IARS2: variants seen among roughly 807,000 people sequenced by gnomAD.
The protein encoded by IARS2 is isoleucyl-tRNA synthetase 2, mitochondrial.
In IARS2, 56 loss-of-function variants were observed where a neutral mutation model predicts 126.3. The ratio of observed to expected loss-of-function variants is 0.44; its 90% CI spans 0.36 to 0.55. IARS2 has a LOEUF of 0.55. Among genes scored for constraint, IARS2 ranks in the 20% least tolerant of loss-of-function variants. The pLI, the probability that IARS2 is intolerant of heterozygous loss-of-function variation, is 0.00. For missense variants in IARS2, 1,127 were observed against 1,245.9 expected (o/e 0.90, Z 1.44); for synonymous variants, 407 against 441.1 (o/e 0.92, Z 0.97).
chr1:220,134,304 C>A, intron 14 of IARS2, 98 bp from the exon 15 acceptor site: 1 of 810,506 alleles, frequency 1.2e-6, no homozygotes, highest in Non-Finnish European at 1.9e-6. Flanking sequence ...AGTTACTTCC[C>A]TTCCTCCCCA....
Position 220,103,700 on chromosome 1 carries a change from C to T in IARS2, c.1066+138C>T. ...TCTAGAATACATTTTACATTGATTA[C>T]ACTAAAGGAGAATATACATTAAGCA... On this transcript the variant is annotated intron_variant, in intron 8 of 22. Transcript: ENST00000366922. The T allele has an allele frequency of 5.4e-6, 3 of 557,998 alleles. 1 individual carries two copies. Among genetic ancestry groups the T allele is most frequent in the Non-Finnish European group, 9.7e-6 (3 of 308,966 alleles). 34.6% of individuals were successfully genotyped at this position (557,998 alleles called of 1,614,324 possible). A position where few individuals can be genotyped will look rare whatever the true frequency, so the allele number is the denominator to read the frequency against.
In IARS2 at chr1:220,111,104, A is replaced by G. The variant is rs560480157; in HGVS notation, c.1479+167A>G. Among the ~76,000 whole-genome samples, 7 of 152,226 alleles carry G rather than the reference A, an allele frequency of 4.6e-5. No individual in the cohort carries two copies. The South Asian group carries it at 1.0e-3, about 23-fold the overall frequency. On this transcript the variant is annotated intron_variant, in intron 11 of 22. Coordinates refer to ENST00000366922, the MANE Select transcript of IARS2 (RefSeq NM_018060.4). The stretch of plus-strand genomic sequence containing the variant: ...AGATCTGGAAGGACCTTGGACTTCC[A>G]TTTTTTCATTATACATGTGTGAGAA...
At position 220,102,196 on chromosome 1, in the gene IARS2, A is replaced by T; in HGVS notation, c.618A>T (p.Ala206=). Residue 206 remains alanine (A), a synonymous_variant, in exon 4 of 23, where the codon GCA becomes GCT. Coordinates refer to ENST00000366922, the MANE Select transcript of IARS2 (RefSeq NM_018060.4). ...KSAFIRWGIM[A]DWNNCYYTFD... ...CATTTATTCGTTGGGGAATAATGGC[A>T]GATTGGAATAATTGCTACTATACAT... is the stretch of plus-strand genomic sequence containing the variant. 2 of 1,612,102 alleles carry T rather than the reference A, an allele frequency of 1.2e-6. No individual in the cohort carries two copies. Among genetic ancestry groups the T allele is most frequent in the Non-Finnish European group, 1.7e-6 (2 of 1,179,182 alleles).
chr1:220,122,811 A>G (rs1391051925), intron 12 of IARS2, among the ~76,000 whole-genome samples: 2 of 152,190 alleles, frequency 1.3e-5, no homozygotes, highest in East Asian at 1.9e-4. Context: ...CTAAATTAAT[A>G]TGAAATTTGA....
rs991703568 is a variant in IARS2, at chr1:220,140,434, C to A, written c.2414+145C>A. Reference sequence around the variant, plus strand: ...CAGTATGGCAAAATACAAAAATTAGCCGGGCATGGTGGCACATGCCTGTAA... The same window carrying A: ...CAGTATGGCAAAATACAAAAATTAGACGGGCATGGTGGCACATGCCTGTAA... On this transcript the variant is annotated intron_variant, in intron 19 of 22. Transcript: ENST00000366922. 5 of 581,620 alleles carry A rather than the reference C, an allele frequency of 8.6e-6. No individual in the cohort carries two copies. In the Admixed American group the frequency reaches 1.2e-4, roughly 15 times the overall value. 36.0% of individuals were successfully genotyped at this position (581,620 alleles called of 1,614,324 possible).
At chr1:220,134,061 A>G (rs899834698) in intron 14 of IARS2, among the ~76,000 whole-genome samples, 1 of 152,058 alleles carries the variant, frequency 6.6e-6, no homozygotes, top group Non-Finnish European at 1.5e-5. Context: ...CTTGACATTC[A>G]TGCAGTACAG....
intron 3 of IARS2, among the ~76,000 whole-genome samples, chr1:220,101,420 G>A (rs1385587753): frequency 1.3e-5 from 2 of 152,166 alleles, no homozygotes; most frequent in Admixed American, 6.5e-5. Flanking sequence ...TATAGGCTGG[G>A]CACAGTGGCT....
chr1:220,142,642 A>G (rs1031366310), intron 20 of IARS2, among the ~76,000 whole-genome samples: 7 of 152,174 alleles, frequency 4.6e-5, no homozygotes, highest in African/African-American at 1.7e-4. Context: ...GGGGGAAGTC[A>G]CTTATAATGT....
intron 14 of IARS2, among the ~76,000 whole-genome samples, chr1:220,130,765 G>A (rs1333349462): frequency 2.6e-5 from 4 of 152,138 alleles, no homozygotes; most frequent in African/African-American, 9.7e-5. Context: ...CACCATGTTA[G>A]CCAGGATGGG....
chr1:220,130,390 G>A (rs755962420), intron 14 of IARS2, among the ~76,000 whole-genome samples: 4 of 151,708 alleles, frequency 2.6e-5, no homozygotes, highest in Non-Finnish European at 5.9e-5. Flanking sequence ...GTCTATTTTC[G>A]CTCCTTTACT....
At chr1:220,118,923 C>T (rs1468990643) in intron 12 of IARS2, among the ~76,000 whole-genome samples, 2 of 152,092 alleles carry the variant, frequency 1.3e-5, no homozygotes, top group Non-Finnish European at 1.5e-5. Flanking sequence ...TTTCCCCTTC[C>T]AAATTTCACA....
intron 9 of IARS2, 38 bp from the exon 10 acceptor site, chr1:220,107,023 G>A (rs1217549725): frequency 1.6e-6 from 2 of 1,250,862 alleles, no homozygotes; most frequent in East Asian, 2.3e-5. Context: ...AAGAGAAAAT[G>A]TCTTGATATT....
rs1452297927 is a variant in IARS2 at position 220,147,875 on chromosome 1, A to G, written c.*240A>G. ...TGTGTATCTGTGGATGGATATATGTATATCTCTTCCTATATATATCCATAG... is the reference window on the plus strand; with the variant it reads ...TGTGTATCTGTGGATGGATATATGTGTATCTCTTCCTATATATATCCATAG... On this transcript the variant is annotated 3_prime_UTR_variant, in exon 23 of 23. Transcript: ENST00000366922. The G allele has an allele frequency of 4.1e-6, 2 of 491,654 alleles. No homozygotes were observed. Among genetic ancestry groups the G allele is most frequent in the Non-Finnish European group, 7.2e-6 (2 of 278,128 alleles). The allele number at this position is 491,654 out of a possible 1,614,324, so 30.5% of individuals were successfully genotyped here.
intron 8 of IARS2, among the ~76,000 whole-genome samples, chr1:220,104,723 G>A (rs1656645692): frequency 6.6e-6 from 1 of 152,076 alleles, no homozygotes; most frequent in African/African-American, 2.4e-5. Context: ...TTAAAGAGAT[G>A]AGGTCTCACT....
chr1:220,100,383 C>A, intron 2 of IARS2, 107 bp from the exon 3 acceptor site: 3 of 934,970 alleles, frequency 3.2e-6, no homozygotes, highest in East Asian at 2.8e-5. Flanking sequence ...AATTGTAGGC[C>A]AAATATTTTA....
intron 11 of IARS2, 92 bp downstream of exon 11, chr1:220,111,029 A>T (rs1656790273): frequency 8.7e-7 from 1 of 1,143,896 alleles, no homozygotes; most frequent in Non-Finnish European, 1.3e-6. Flanking sequence ...TTTCAGGAGT[A>T]ATAGGGATTG....
At position 220,147,910 on chromosome 1, in the gene IARS2, T is replaced by A. The variant is rs369005006; in HGVS notation, c.*275T>A. 23 of 422,922 alleles carry A rather than the reference T, an allele frequency of 5.4e-5. 1 individual carries two copies. Among genetic ancestry groups the A allele is most frequent in the African/African-American group, 4.4e-4 (22 of 50,200 alleles). 26.2% of individuals were successfully genotyped at this position (422,922 alleles called of 1,614,324 possible). On this transcript the variant is annotated 3_prime_UTR_variant, in exon 23 of 23. Coordinates refer to ENST00000366922, the MANE Select transcript of IARS2 (RefSeq NM_018060.4). ...CTATATATATCCATAGTGGACTTATTCAGAACATAGATATGTATTCAGCTT... is the reference window on the plus strand; with the variant it reads ...CTATATATATCCATAGTGGACTTATACAGAACATAGATATGTATTCAGCTT...
rs774960759 is a variant in IARS2, at chr1:220,102,463, A to G, written c.750-32A>G. ...AAAGGGAGAAATTTGTGAGGCTTCC[A>G]AGTATTTATGTTTAATATTTTTAAC... is the stretch of plus-strand genomic sequence containing the variant. On this transcript the variant is annotated intron_variant, in intron 5 of 22. Transcript: ENST00000366922. The G allele has an allele frequency of 5.0e-6, 8 of 1,610,266 alleles. No individual in the cohort carries two copies. The African/African-American group carries it at 6.7e-5, about 13-fold the overall frequency.
chr1:220,131,096 G>A (rs1333325454), intron 14 of IARS2, among the ~76,000 whole-genome samples: 1 of 152,002 alleles, frequency 6.6e-6, no homozygotes, highest in Non-Finnish European at 1.5e-5. Context: ...ATGAATTTTA[G>A]GATGAATTTT....
Sources: allele counts gnomAD v4.1 joint callset (sites outside exome capture counted in the v4.1 genomes callset), GRCh38; gene constraint gnomAD v4.1.1; transcripts MANE v1.5; gene names NCBI Gene and HGNC (gene_info 2026-07-23, HGNC 2026-07-21).